Variants in COPS4 observed in about 807,000 individuals in gnomAD.
COPS4 encodes the protein COP9 signalosome complex subunit 4.
COPS4 carries 8 observed loss-of-function variants against 55.1 expected under a neutral mutation model. The ratio of observed to expected loss-of-function variants is 0.15; its 90% CI spans 0.09 to 0.26. The LOEUF is 0.26. Ranked by LOEUF, COPS4 falls within the 10% of genes least tolerant of loss-of-function variation. The probability of loss-of-function intolerance (pLI) is 1.00; values close to 1 mark genes in which losing one functional copy is unlikely to be tolerated. For synonymous variants in COPS4, 185 were observed against 165.7 expected (o/e 1.12, Z -0.90); for missense variants, 248 against 484.0 (o/e 0.51, Z 4.58).
chr4:83,055,633 G>A (rs1378336329), intron 4 of COPS4, among the ~76,000 whole-genome samples: 3 of 151,922 alleles, frequency 2.0e-5, no homozygotes, highest in East Asian at 3.9e-4. Flanking sequence ...AGTAGAGACA[G>A]GGTTTCACCA....
chr4:83,066,231 C>T (rs141247344), intron 7 of COPS4, among the ~76,000 whole-genome samples: 156 of 152,310 alleles, frequency 1.0e-3, no homozygotes, highest in Non-Finnish European at 2.1e-3. Context: ...TTAATAATTA[C>T]TTGCCAATCA....
At chr4:83,070,687 C>T (rs1282473780) in intron 9 of COPS4, among the ~76,000 whole-genome samples, 1 of 151,972 alleles carries the variant, frequency 6.6e-6, no homozygotes, top group Admixed American at 6.6e-5. Flanking sequence ...GAGAAATAAC[C>T]TCTTTCTTTC....
intron 6 of COPS4, among the ~76,000 whole-genome samples, chr4:83,061,247 C>T (rs1706215458): frequency 6.6e-6 from 1 of 151,772 alleles, no homozygotes; most frequent in African/African-American, 2.4e-5. Context: ...GAAAAGTATA[C>T]AGCTTGATGA....
intron 7 of COPS4, among the ~76,000 whole-genome samples, chr4:83,064,591 T>G (rs1448387295): frequency 6.6e-6 from 1 of 152,184 alleles, no homozygotes; most frequent in African/African-American, 2.4e-5. Context: ...AGAGAAGTTT[T>G]TCTTTTTTCT....
intron 6 of COPS4, among the ~76,000 whole-genome samples, chr4:83,061,359 C>T (rs1333639481): frequency 6.6e-6 from 1 of 152,038 alleles, no homozygotes; most frequent in Non-Finnish European, 1.5e-5. Flanking sequence ...GTCACTAGCC[C>T]CAACTCCTAA....
chr4:83,047,369 T>C (rs1170904790), intron 2 of COPS4, among the ~76,000 whole-genome samples: 4 of 152,026 alleles, frequency 2.6e-5, no homozygotes, highest in East Asian at 3.9e-4. Flanking sequence ...GCCTGGGCAA[T>C]GTGGAGAAAT....
intron 9 of COPS4, among the ~76,000 whole-genome samples, chr4:83,074,978 A>G (rs150147839): frequency 0.016 from 2,441 of 151,894 alleles, 67 homozygotes; most frequent in African/African-American, 0.055. Flanking sequence ...GAAATTAGTC[A>G]CGGTGGCAGG....
chr4:83,057,533 G>T, intron 6 of COPS4, 125 bp downstream of exon 6: 2 of 654,156 alleles, frequency 3.1e-6, no homozygotes, highest in East Asian at 2.9e-5. Flanking sequence ...ATACAGTTAT[G>T]GTAAATGTAG....
At chr4:83,043,518 CAAAAAAAAAA>C (rs34480105) in intron 1 of COPS4, among the ~76,000 whole-genome samples, 5 of 17,682 alleles carry the variant, frequency 2.8e-4, no homozygotes, top group African/African-American at 4.8e-4. Flanking sequence ...GACCCTGTCT[CAAAAAAAAAA>C]AAAAAAAAAA....
intron 6 of COPS4, among the ~76,000 whole-genome samples, chr4:83,060,555 C>T (rs1182687091): frequency 3.3e-5 from 5 of 151,452 alleles, no homozygotes; most frequent in African/African-American, 9.7e-5. Context: ...ATCTACCCAC[C>T]TCGGCCTCCC....
rs542083567 is a variant in COPS4 at position 83,062,706 on chromosome 4, G to A, written c.716-370G>A. ...AGTGCCCTATGGAGAAAATATGTGT[G>A]TTAGATAGCTTCATTTAAGTATGAT... On this transcript the variant is annotated intron_variant, in intron 6 of 9. Coordinates refer to ENST00000264389, the MANE Select transcript of COPS4 (RefSeq NM_016129.3). 2.0e-5 allele frequency among the ~76,000 whole-genome samples: 3 copies of A among 152,312 alleles called. No homozygotes were observed. The East Asian group carries it at 5.8e-4, about 29-fold the overall frequency.
At chr4:83,047,791 G>GA (rs1474736694) in intron 2 of COPS4, among the ~76,000 whole-genome samples, 2 of 152,138 alleles carry the variant, frequency 1.3e-5, no homozygotes, top group Non-Finnish European at 2.9e-5. Flanking sequence ...ACGAGGTCAG[G>GA]AGATCAAGAC....
In COPS4 at chr4:83,075,247, T is replaced by C. The variant is rs374864633; in HGVS notation, c.1088-50T>C. 1.6e-5 allele frequency: 25 copies of C among 1,581,402 alleles called. No individual in the cohort carries two copies. In the Admixed American group the frequency reaches 2.7e-4, roughly 17 times the overall value. On this transcript the variant is annotated intron_variant, in intron 9 of 9. Transcript: ENST00000264389. The stretch of plus-strand genomic sequence containing the variant: ...TATATATCTTTTAACTCACAGTTGC[T>C]GTGAATACAAAGGAATAATTTTAAT...
chr4:83,050,285 CTTGTTGTTG>C (rs374355313), intron 4 of COPS4, among the ~76,000 whole-genome samples: 8 of 151,782 alleles, frequency 5.3e-5, no homozygotes, highest in African/African-American at 1.4e-4. Flanking sequence ...ACCAGATACT[CTTGTTGTTG>C]TTGTTGTTGT....
chr4:83,037,276 G>C (rs1328406804), intron 1 of COPS4, among the ~76,000 whole-genome samples: 1 of 152,108 alleles, frequency 6.6e-6, no homozygotes, highest in African/African-American at 2.4e-5. Flanking sequence ...CTCTAGTACT[G>C]GTCAAAGTAA....
intron 4 of COPS4, among the ~76,000 whole-genome samples, chr4:83,051,846 C>G (rs1730895913): frequency 6.6e-6 from 1 of 152,110 alleles, no homozygotes; most frequent in African/African-American, 2.4e-5. Context: ...TGGAGCACTT[C>G]AACGTTAAGA....
In COPS4 at chr4:83,049,237, T is replaced by C; in HGVS notation, c.226T>C (p.Leu76=). 1 of 1,612,738 alleles carries C rather than the reference T, an allele frequency of 6.2e-7. No homozygotes were observed. Among genetic ancestry groups the C allele is most frequent in the Non-Finnish European group, 8.5e-7 (1 of 1,179,518 alleles). Residue 76 remains leucine, a synonymous_variant, in exon 3 of 10, where the codon TTG becomes CTG. Coordinates refer to ENST00000264389, the MANE Select transcript of COPS4 (RefSeq NM_016129.3). ...LTDFCTHLPN[L]PDSTAKEIYH... Reference sequence around the variant, plus strand: ...TGATTTTTGCACACATCTTCCTAACTTGCCTGATAGCACAGCCAAAGAAAT... The same window carrying C: ...TGATTTTTGCACACATCTTCCTAACCTGCCTGATAGCACAGCCAAAGAAAT...
chr4:83,073,746 A>G (rs1731496500), intron 9 of COPS4, among the ~76,000 whole-genome samples: 1 of 151,048 alleles, frequency 6.6e-6, no homozygotes, highest in South Asian at 2.1e-4. Flanking sequence ...CGAGGTCAAG[A>G]GATTGAGACC....
intron 2 of COPS4, among the ~76,000 whole-genome samples, chr4:83,048,754 G>C (rs1373225368): frequency 3.3e-5 from 5 of 152,032 alleles, no homozygotes; most frequent in Non-Finnish European, 5.9e-5. Flanking sequence ...CGATTCTCTT[G>C]CCTTAGCCTC....
Sources: allele counts gnomAD v4.1 joint callset (sites outside exome capture counted in the v4.1 genomes callset), GRCh38; gene constraint gnomAD v4.1.1; transcripts MANE v1.5; gene names NCBI Gene and HGNC (gene_info 2026-07-23, HGNC 2026-07-21).